CSMD1: variants seen among roughly 807,000 people sequenced by gnomAD.
CSMD1 encodes CUB and Sushi multiple domains 1, also known as CUB and sushi domain-containing protein 1.
A neutral mutation model predicts 417.5 loss-of-function variants in CSMD1; 213 were observed. The observed-to-expected ratio is 0.51, with a 90% CI of 0.46 to 0.57. The LOEUF (loss-of-function observed/expected upper bound fraction) is 0.57. Among genes scored for constraint, CSMD1 ranks in the 20% least tolerant of loss-of-function variants. The pLI is 0.00. For synonymous variants in CSMD1, 2,862 were observed against 1,736.8 expected, an observed-to-expected ratio of 1.65 and a Z score of -16.11; for missense variants, 6,923 against 4,529.7, an observed-to-expected ratio of 1.53 and a Z score of -15.17.
chr8:4,361,289 T>G (rs773355203), intron 3 of CSMD1, among the ~76,000 whole-genome samples: 6 of 152,168 alleles, frequency 3.9e-5, no homozygotes, highest in African/African-American at 1.4e-4. Context: ...TCATAAATAA[T>G]ACAAGATAAA....
At chr8:3,863,939 C>T (rs574137327) in intron 5 of CSMD1, among the ~76,000 whole-genome samples, 1 of 152,162 alleles carries the variant, frequency 6.6e-6, no homozygotes, top group South Asian at 2.1e-4. Flanking sequence ...AAATGACCTC[C>T]AGAGGTTTAG....
intron 3 of CSMD1, among the ~76,000 whole-genome samples, chr8:4,281,951 G>C (rs746215879): frequency 3.3e-5 from 5 of 152,114 alleles, no homozygotes; most frequent in Non-Finnish European, 7.4e-5. Flanking sequence ...TGCCTGTTAG[G>C]GCTTGATCAG....
At chr8:4,180,671 C>G (rs1247878278) in intron 3 of CSMD1, among the ~76,000 whole-genome samples, 24 of 152,120 alleles carry the variant, frequency 1.6e-4, no homozygotes. Flanking sequence ...CCAGCACTGG[C>G]CATATGAAAG....
intron 5 of CSMD1, among the ~76,000 whole-genome samples, chr8:3,810,557 G>T (rs1018915647): frequency 3.9e-5 from 6 of 152,072 alleles, no homozygotes; most frequent in Non-Finnish European, 7.4e-5. Flanking sequence ...ATCAACCGAG[G>T]GTCAGTCTAC....
chr8:3,804,136 T>C (rs1800603423), intron 5 of CSMD1, among the ~76,000 whole-genome samples: 1 of 152,094 alleles, frequency 6.6e-6, no homozygotes, highest in Admixed American at 6.6e-5. Flanking sequence ...TTCACCATGT[T>C]GGCCAGGCTG....
At chr8:4,388,693 T>G (rs1220627837) in intron 3 of CSMD1, among the ~76,000 whole-genome samples, 2 of 151,860 alleles carry the variant, frequency 1.3e-5, no homozygotes, top group African/African-American at 2.4e-5. Flanking sequence ...CTCCAATAGC[T>G]CATGGAAAAA....
At chr8:3,598,873 G>C (rs1287262473) in intron 8 of CSMD1, among the ~76,000 whole-genome samples, 1 of 152,088 alleles carries the variant, frequency 6.6e-6, no homozygotes. Context: ...ACAAGGTCAG[G>C]AGTTTGAGAC....
chr8:3,880,787 T>G (rs1419116726), intron 5 of CSMD1, among the ~76,000 whole-genome samples: 1 of 152,336 alleles, frequency 6.6e-6, no homozygotes, highest in East Asian at 1.9e-4. Flanking sequence ...AACAATGTAT[T>G]TTCTTTTAGA....
At chr8:3,899,215 G>A (rs575254227) in intron 5 of CSMD1, among the ~76,000 whole-genome samples, 8 of 152,238 alleles carry the variant, frequency 5.3e-5, no homozygotes, top group South Asian at 4.2e-4. Flanking sequence ...AACACAGGAC[G>A]GACAAGAGCA....
intron 10 of CSMD1, among the ~76,000 whole-genome samples, chr8:3,542,738 G>A (rs987505825): frequency 2.0e-5 from 3 of 152,224 alleles, no homozygotes; most frequent in Non-Finnish European, 4.4e-5. Flanking sequence ...GTTGAGGTAA[G>A]AAGGAGCTGA....
At chr8:4,778,656 G>C (rs182190917) in intron 1 of CSMD1, among the ~76,000 whole-genome samples, 4 of 152,288 alleles carry the variant, frequency 2.6e-5, no homozygotes, top group East Asian at 1.9e-4. Context: ...GAGTGGTCTA[G>C]ATCTGAGTCA....
chr8:3,478,931 G>C (rs138045604), intron 11 of CSMD1, among the ~76,000 whole-genome samples: 5 of 152,192 alleles, frequency 3.3e-5, no homozygotes, highest in South Asian at 2.1e-4. Flanking sequence ...CACAGCGGTA[G>C]AGTGGGCGGA....
At chr8:4,442,233 G>C (rs62481010) in intron 2 of CSMD1, among the ~76,000 whole-genome samples, 1 of 152,148 alleles carries the variant, frequency 6.6e-6, no homozygotes, top group Non-Finnish European at 1.5e-5. Context: ...ACACAGTGCA[G>C]TGATGGCTGT....
chr8:3,605,167 T>G (rs530741003), intron 8 of CSMD1, among the ~76,000 whole-genome samples: 1 of 152,158 alleles, frequency 6.6e-6, no homozygotes, highest in Admixed American at 6.5e-5. Flanking sequence ...AATTTTTGTA[T>G]TTTTAGTAGA....
At position 4,066,702 on chromosome 8, in the gene CSMD1, G is replaced by C. The variant is rs573606308; in HGVS notation, c.416-34603C>G. On this transcript the variant is annotated intron_variant, in intron 3 of 69. Transcript: ENST00000635120. The stretch of plus-strand genomic sequence containing the variant: ...TATTCTATCCAACCTGAAATTAGAT[G>C]ATAGTATATTTTGTTTGGGACGAGA... Among the ~76,000 whole-genome samples, 3 of 152,166 alleles carry C rather than the reference G, an allele frequency of 2.0e-5. No individual in the cohort carries two copies. In the East Asian group the frequency reaches 5.8e-4, roughly 30 times the overall value.
intron 36 of CSMD1, among the ~76,000 whole-genome samples, chr8:3,187,228 A>G (rs936246410): frequency 3.9e-5 from 6 of 152,214 alleles, no homozygotes; most frequent in Admixed American, 2.6e-4. Context: ...ATTACAAAGC[A>G]AAGTGAAAGA....
chr8:4,793,373 T>C (rs1468247289), intron 1 of CSMD1, among the ~76,000 whole-genome samples: 4 of 152,082 alleles, frequency 2.6e-5, no homozygotes, highest in African/African-American at 4.8e-5. Flanking sequence ...TTTTGAAACA[T>C]AGAATAAATT....
chr8:3,554,859 G>A (rs1260798596), intron 10 of CSMD1, among the ~76,000 whole-genome samples: 1 of 152,150 alleles, frequency 6.6e-6, no homozygotes, highest in Non-Finnish European at 1.5e-5. Flanking sequence ...ACAGCCAGCA[G>A]GCAGGGAGCC....
chr8:4,682,072 GC>G (rs1472839516), intron 1 of CSMD1, among the ~76,000 whole-genome samples: 7 of 152,178 alleles, frequency 4.6e-5, no homozygotes, highest in Admixed American at 3.3e-4. Context: ...AGGCTGAAGT[GC>G]TGTGGGGTGA....
Sources: allele counts gnomAD v4.1 joint callset (sites outside exome capture counted in the v4.1 genomes callset), GRCh38; gene constraint gnomAD v4.1.1; transcripts MANE v1.5; gene names NCBI Gene and HGNC (gene_info 2026-07-23, HGNC 2026-07-21).